The following RYR3 variants were observed in gnomAD, a reference collection of about 807,000 sequenced individuals.
RYR3 encodes the protein brain ryanodine receptor-calcium release channel.
A neutral mutation model predicts 584.3 loss-of-function variants in RYR3; 207 were observed. That is an observed-to-expected ratio of 0.35 (90% CI 0.32 to 0.40). The LOEUF (loss-of-function observed/expected upper bound fraction) is 0.40. Ranked by LOEUF, RYR3 falls within the 10% of genes least tolerant of loss-of-function variation. The probability of loss-of-function intolerance (pLI) is 1.00; values close to 1 mark genes in which losing one functional copy is unlikely to be tolerated. For synonymous variants in RYR3, 2,416 were observed against 2,248.5 expected (o/e 1.07, Z -2.11); for missense variants, 5,616 against 6,089.2 (o/e 0.92, Z 2.59).
At chr15:33,374,709 T>C (rs555016039) in intron 1 of RYR3, among the ~76,000 whole-genome samples, 2 of 152,292 alleles carry the variant, frequency 1.3e-5, no homozygotes, top group East Asian at 1.9e-4. Context: ...AATGTTATAA[T>C]TGAGAGCAGA....
At position 33,662,903 on chromosome 15, in the gene RYR3, C is replaced by G; in HGVS notation, c.5373C>G (p.Val1791=). The G allele has an allele frequency of 6.2e-7, 1 of 1,613,328 alleles. No individual in the cohort carries two copies. The highest frequency in any genetic ancestry group is 8.5e-7 in the Non-Finnish European group (1 of 1,179,852). The change falls in exon 35 of 104, where the codon GTC becomes GTG. Residue 1791 remains valine, a synonymous_variant. Coordinates refer to ENST00000634891, the MANE Select transcript of RYR3 (RefSeq NM_001036.6). ...AGEKAGKEAP[V]KGLLQTRLPE... ...AGAAGGCCGGCAAGGAGGCTCCTGT[C>G]AAAGGCTTGTTGCAGACTCGATTAC...
At chr15:33,443,592 C>T (rs948612164) in intron 1 of RYR3, among the ~76,000 whole-genome samples, 15 of 152,050 alleles carry the variant, frequency 9.9e-5, no homozygotes, top group Admixed American at 2.0e-4. Context: ...TTACCTAGGA[C>T]AGTACAGACA....
chr15:33,755,631 A>G (rs181478339), intron 58 of RYR3, among the ~76,000 whole-genome samples: 14,185 of 151,726 alleles, frequency 0.093, 884 homozygotes, highest in East Asian at 0.26. Context: ...AAACAAACAA[A>G]CAAACAAAAA....
chr15:33,424,151 G>A (rs2044434438), intron 1 of RYR3, among the ~76,000 whole-genome samples: 1 of 152,146 alleles, frequency 6.6e-6, no homozygotes, highest in Admixed American at 6.5e-5. Flanking sequence ...AAGTGCACAG[G>A]CATCAGAATG....
At chr15:33,807,680 G>T in intron 70 of RYR3, 111 bp downstream of exon 70, 7 of 1,099,654 alleles carry the variant, frequency 6.4e-6, no homozygotes, top group Non-Finnish European at 8.1e-6. Flanking sequence ...GGATTTTCCC[G>T]CCTGGAGGTC....
chr15:33,863,830 T>G (rs1889430818), intron 102 of RYR3, among the ~76,000 whole-genome samples: 1 of 152,216 alleles, frequency 6.6e-6, no homozygotes, highest in Admixed American at 6.5e-5. Flanking sequence ...ACCATTTTAT[T>G]GTTTTATTAG....
chr15:33,376,435 A>T (rs150317500), intron 1 of RYR3, among the ~76,000 whole-genome samples: 1 of 152,368 alleles, frequency 6.6e-6, no homozygotes, highest in Non-Finnish European at 1.5e-5. Context: ...ATTCAGAAAT[A>T]AGTCCTTGTG....
Position 33,788,373 on chromosome 15 carries a change from C to T in RYR3, c.9745C>T (p.Leu3249Phe). Residue 3249 changes from leucine (L) to phenylalanine (F), a missense_variant, in exon 67 of 104, where the codon CTC becomes TTC. Physicochemically the swap from Leu to Phe is conservative, Grantham distance 22. Transcript: ENST00000634891. ...DGKGDTQEAE[L>F]LILDEFAVLC... is the part of the protein sequence containing the mutation. Reference sequence around the variant, plus strand: ...CAAAGGGGACACCCAGGAGGCAGAACTCCTCATCCTGGACGAGTTCGCGGT... The same window carrying T: ...CAAAGGGGACACCCAGGAGGCAGAATTCCTCATCCTGGACGAGTTCGCGGT... The T allele has an allele frequency of 6.2e-7, 1 of 1,613,974 alleles. No homozygotes were observed. The highest frequency in any genetic ancestry group is 8.5e-7 in the Non-Finnish European group (1 of 1,179,854).
chr15:33,465,602 GA>G (rs2048417752), intron 1 of RYR3: 1 of 444,608 alleles, frequency 2.2e-6, no homozygotes, highest in Non-Finnish European at 4.4e-6. Flanking sequence ...AAGTAAGATG[GA>G]AAGTGATTGG....
At position 33,604,022 on chromosome 15, in the gene RYR3, C is replaced by T. The variant is rs537227601; in HGVS notation, c.2164+658C>T. The stretch of plus-strand genomic sequence containing the variant: ...TGTGGAGGAATGTCTTGACTTCTGC[C>T]TGGGTGAAAAACGCGAGATTAACTC... On this transcript the variant is annotated intron_variant, in intron 18 of 103. Transcript: ENST00000634891. Among the ~76,000 whole-genome samples the T allele has an allele frequency of 2.6e-5, 4 of 152,322 alleles. No individual in the cohort carries two copies. In the East Asian group the frequency reaches 7.7e-4, roughly 29 times the overall value.
At chr15:33,548,295 C>A in intron 9 of RYR3, 91 bp downstream of exon 9, 1 of 766,392 alleles carries the variant, frequency 1.3e-6, no homozygotes, top group South Asian at 1.8e-5. Flanking sequence ...TCCACATCAT[C>A]TGGCAAACTC....
At chr15:33,322,244 C>T (rs914006759) in intron 1 of RYR3, among the ~76,000 whole-genome samples, 2 of 152,176 alleles carry the variant, frequency 1.3e-5, no homozygotes, top group Admixed American at 1.3e-4. Flanking sequence ...CTGCGGGCTG[C>T]CCAAGCATGA....
At chr15:33,453,375 TTTGTG>T (rs1450136410) in intron 1 of RYR3, among the ~76,000 whole-genome samples, 1 of 152,218 alleles carries the variant, frequency 6.6e-6, no homozygotes, top group East Asian at 1.9e-4. Context: ...CTTGGGGACT[TTTGTG>T]TATTCTAGAA....
chr15:33,345,971 G>T (rs1174750053), intron 1 of RYR3, among the ~76,000 whole-genome samples: 2 of 151,976 alleles, frequency 1.3e-5, no homozygotes. Flanking sequence ...GTAACTTTGT[G>T]TTTTTACATA....
At chr15:33,830,881 A>T in intron 85 of RYR3, 82 bp from the exon 86 acceptor site, 1 of 1,461,050 alleles carries the variant, frequency 6.8e-7, no homozygotes, top group Non-Finnish European at 9.3e-7. Flanking sequence ...ATGCAGGATT[A>T]TCATGTACCC....
intron 1 of RYR3, among the ~76,000 whole-genome samples, chr15:33,317,338 AC>A (rs1382181689): frequency 6.6e-6 from 1 of 152,074 alleles, no homozygotes; most frequent in Non-Finnish European, 1.5e-5. Context: ...TTTTGGCTGC[AC>A]CCGGATGAAG....
At chr15:33,619,198 T>C (rs2060598124) in intron 19 of RYR3, among the ~76,000 whole-genome samples, 1 of 150,746 alleles carries the variant, frequency 6.6e-6, no homozygotes, top group Admixed American at 6.6e-5. Flanking sequence ...CCCCAGAAAA[T>C]GATACAAGTG....
Position 33,840,988 on chromosome 15 carries a change from C to G in RYR3, c.13037+105C>G, listed in dbSNP as rs1218398970. 17 of 1,009,858 alleles carry G rather than the reference C, an allele frequency of 1.7e-5. No homozygotes were observed. In the East Asian group the frequency reaches 4.3e-4, roughly 26 times the overall value. The allele number at this position is 1,009,858 out of a possible 1,614,324, so 62.6% of individuals were successfully genotyped here. A position where few individuals can be genotyped will look rare whatever the true frequency, so the allele number is the denominator to read the frequency against. ...ATCCCAGCACTTTGAGAGGCTGAGG[C>G]TGGAGGATCACTTGAACCCAGGACT... On this transcript the variant is annotated intron_variant, in intron 90 of 103. Coordinates refer to ENST00000634891, the MANE Select transcript of RYR3 (RefSeq NM_001036.6).
intron 7 of RYR3, among the ~76,000 whole-genome samples, chr15:33,542,861 G>A (rs1031599205): frequency 3.3e-5 from 5 of 152,074 alleles, no homozygotes; most frequent in Admixed American, 6.6e-5. Context: ...GGTAAAGCTC[G>A]GACTGGAGCC....
Sources: gnomAD v4.1 joint callset for allele counts (sites outside exome capture counted in the v4.1 genomes callset) on GRCh38, gnomAD v4.1.1 for gene constraint, MANE v1.5 for transcripts, NCBI Gene and HGNC (gene_info 2026-07-23, HGNC 2026-07-21) for gene names.